Variants in PNLIP observed in about 807,000 individuals in gnomAD.
PNLIP encodes the protein pancreatic lipase, also known as pancreatic triacylglycerol lipase.
Under a neutral mutation model 57.1 loss-of-function variants are expected in PNLIP, and 49 were observed. That is an observed-to-expected ratio of 0.86 (90% CI 0.68 to 1.09). PNLIP has a LOEUF of 1.09. Ranked by LOEUF, PNLIP falls within the 50% of genes least tolerant of loss-of-function variation. PNLIP has a pLI of 0.00. For missense variants in PNLIP, 503 were observed against 570.2 expected, an observed-to-expected ratio of 0.88 and a Z score of 1.20; for synonymous variants, 209 against 200.4, an observed-to-expected ratio of 1.04 and a Z score of -0.36.
chr10:116,555,089 T>C (rs531083330), intron 6 of PNLIP, 89 bp from the exon 7 acceptor site: 1 of 1,434,710 alleles, frequency 7.0e-7, no homozygotes, highest in East Asian at 2.3e-5. Flanking sequence ...AAGAACCCGT[T>C]CATCCCTTTC....
At chr10:116,566,391 T>C (rs1172549602) in intron 12 of PNLIP, among the ~76,000 whole-genome samples, 1 of 152,126 alleles carries the variant, frequency 6.6e-6, no homozygotes, top group Non-Finnish European at 1.5e-5. Context: ...CGTGGTTGCC[T>C]GGGAGGAGTG....
At chr10:116,565,249 CAAAAAAAAA>C (rs71010093) in intron 12 of PNLIP, among the ~76,000 whole-genome samples, 5 of 33,400 alleles carry the variant, frequency 1.5e-4, no homozygotes, top group Admixed American at 6.0e-4. Context: ...GACAATGTCT[CAAAAAAAAA>C]AAAAAAAAAA....
chr10:116,567,720 G>C lies in PNLIP; in HGVS notation c.1335-15G>C. 6.2e-7 allele frequency: 1 copy of C among 1,611,710 alleles called. No individual in the cohort carries two copies. The highest frequency in any genetic ancestry group is 8.5e-7 in the Non-Finnish European group (1 of 1,177,826). The stretch of plus-strand genomic sequence containing the variant: ...CAGGAAGAGGAGGTGACTTTGTGTT[G>C]TTTTTTCTCCACAGGTTCAACTTCT... On this transcript the variant is annotated splice_polypyrimidine_tract_variant and intron_variant, in intron 12 of 12. Transcript: ENST00000369221.
intron 12 of PNLIP, among the ~76,000 whole-genome samples, chr10:116,564,185 T>C (rs1847342523): frequency 6.6e-6 from 1 of 152,152 alleles, no homozygotes; most frequent in Non-Finnish European, 1.5e-5. Flanking sequence ...AACCTAGATT[T>C]TACCACTATA....
chr10:116,558,049 G>A (rs1664378141), intron 9 of PNLIP, among the ~76,000 whole-genome samples: 2 of 150,726 alleles, frequency 1.3e-5, no homozygotes, highest in Non-Finnish European at 2.9e-5. Context: ...AGTCAAGATC[G>A]AGACCATCCT....
Position 116,565,461 on chromosome 10 carries a change from CT to C in PNLIP, c.1335-2257del, listed in dbSNP as rs559369951. Among the ~76,000 whole-genome samples the C allele has an allele frequency of 6.4e-3, 866 of 134,748 alleles. 1 individual carries two copies. Among genetic ancestry groups the C allele is most frequent in the South Asian group, 0.028 (114 of 4,124 alleles). 88.4% of individuals were successfully genotyped at this position (134,748 alleles called of 152,430 possible). The stretch of plus-strand genomic sequence containing the variant: ...TTGTATTCTGGCTATATAAAATGCA[CT>C]TTTTTTTTTTTTTTTTGAGATGGAG... On this transcript the variant is annotated intron_variant, in intron 12 of 12. Transcript: ENST00000369221.
chr10:116,557,609 G>A (rs529368090), intron 9 of PNLIP, among the ~76,000 whole-genome samples: 15 of 152,176 alleles, frequency 9.9e-5, no homozygotes, highest in Admixed American at 3.3e-4. Context: ...ATTTCTTCCC[G>A]GCTGGCTTAG....
intron 4 of PNLIP, among the ~76,000 whole-genome samples, chr10:116,549,818 T>C (rs1412007036): frequency 2.0e-5 from 3 of 152,122 alleles, no homozygotes; most frequent in Non-Finnish European, 2.9e-5. Context: ...CCAAAGGCAA[T>C]TGTGGTTTGT....
At chr10:116,550,715 A>C (rs892569605) in intron 4 of PNLIP, among the ~76,000 whole-genome samples, 7 of 152,230 alleles carry the variant, frequency 4.6e-5, no homozygotes. Context: ...ATACCAGTGG[A>C]CAAGGTAAAC....
intron 5 of PNLIP, among the ~76,000 whole-genome samples, chr10:116,551,901 C>G (rs149279153): frequency 6.6e-6 from 1 of 152,150 alleles, no homozygotes; most frequent in Admixed American, 6.5e-5. Flanking sequence ...TCTCCCTCTG[C>G]GCGCCTCATT....
intron 12 of PNLIP, among the ~76,000 whole-genome samples, chr10:116,562,320 G>A: frequency 6.6e-6 from 1 of 152,162 alleles, no homozygotes; most frequent in East Asian, 1.9e-4. Flanking sequence ...AGATTTACTG[G>A]CCTGACTGAA....
At chr10:116,567,684 C>T in intron 12 of PNLIP, 51 bp from the exon 13 acceptor site, 2 of 1,466,854 alleles carry the variant, frequency 1.4e-6, no homozygotes, top group Non-Finnish European at 1.9e-6. Flanking sequence ...TGTCACACTC[C>T]AGATATGTGC....
chr10:116,553,637 TTGA>T (rs1847218443), intron 5 of PNLIP, 87 bp from the exon 6 acceptor site: 2 of 756,702 alleles, frequency 2.6e-6, no homozygotes, highest in East Asian at 5.2e-5. Context: ...ATGAAATCGC[TTGA>T]TGATGCATTT....
Position 116,547,310 on chromosome 10 carries a change from C to A in PNLIP, c.63C>A (p.Tyr21Ter), listed in dbSNP as rs765217829. The change falls in exon 3 of 13, where the codon TAC becomes TAA. Residue 21 changes from tyrosine to a stop codon, truncating the protein, a stop_gained. Coordinates refer to ENST00000369221, the MANE Select transcript of PNLIP (RefSeq NM_000936.4). LOFTEE classifies it high-confidence loss of function. ...GGATTGCAGGAAAAGAAGTTTGCTA[C>A]GAAAGACTCGGCTGCTTCAGTGATG... ...LGAVAGKEVC[Y>*]ERLGCFSDDS... is the part of the protein sequence containing the mutation. 1 of 1,613,872 alleles carries A rather than the reference C, an allele frequency of 6.2e-7. No homozygotes were observed. The highest frequency in any genetic ancestry group is 8.5e-7 in the Non-Finnish European group (1 of 1,179,954).
chr10:116,555,149 T>C, intron 6 of PNLIP, 29 bp from the exon 7 acceptor site: 2 of 1,613,450 alleles, frequency 1.2e-6, no homozygotes, highest in Non-Finnish European at 1.7e-6. Context: ...GGACTTGTCA[T>C]AATTCATGAA....
rs796422632 is a variant in PNLIP, at chr10:116,549,464, G to A, written c.324+982G>A. The stretch of plus-strand genomic sequence containing the variant: ...ACTGCACTCCAGCCTGGACAACAGA[G>A]CAAGATTCCGTCTCAAAAAAAAAAC... On this transcript the variant is annotated intron_variant, in intron 4 of 12. Coordinates refer to ENST00000369221, the MANE Select transcript of PNLIP (RefSeq NM_000936.4). 9.2e-5 allele frequency among the ~76,000 whole-genome samples: 14 copies of A among 151,910 alleles called. 1 individual carries two copies. The highest frequency in any genetic ancestry group is 3.4e-3 in the Middle Eastern group (1 of 290).
At chr10:116,562,176 T>C (rs969762369) in intron 12 of PNLIP, among the ~76,000 whole-genome samples, 1 of 152,146 alleles carries the variant, frequency 6.6e-6, no homozygotes, top group African/African-American at 2.4e-5. Flanking sequence ...ACAATACCAA[T>C]ACTAGACCAA....
At chr10:116,557,482 C>G (rs538283075) in intron 9 of PNLIP, among the ~76,000 whole-genome samples, 1 of 152,080 alleles carries the variant, frequency 6.6e-6, no homozygotes, top group Non-Finnish European at 1.5e-5. Flanking sequence ...GGGCTCCTTT[C>G]GACTCTGGGT....
chr10:116,552,152 T>C (rs1847200381), intron 5 of PNLIP, among the ~76,000 whole-genome samples: 1 of 152,230 alleles, frequency 6.6e-6, no homozygotes, highest in Non-Finnish European at 1.5e-5. Flanking sequence ...ATGTACAGTA[T>C]GTAATACATG....
Sources: gnomAD v4.1 joint callset for allele counts (sites outside exome capture counted in the v4.1 genomes callset) on GRCh38, gnomAD v4.1.1 for gene constraint, MANE v1.5 for transcripts, NCBI Gene and HGNC (gene_info 2026-07-23, HGNC 2026-07-21) for gene names.